TDRP: variants seen among roughly 807,000 people sequenced by gnomAD.
The protein encoded by TDRP is testis development related protein.
TDRP carries 12 observed loss-of-function variants against 10.5 expected under a neutral mutation model. The ratio of observed to expected loss-of-function variants is 1.15; its 90% CI spans 0.73 to 1.86. The LOEUF is 1.86. Among genes scored for constraint, TDRP ranks in the 40% most tolerant of loss-of-function variants. TDRP has a pLI of 0.00. For missense variants in TDRP, 353 were observed against 229.2 expected (o/e 1.54, Z -3.49); for synonymous variants, 139 against 95.4 (o/e 1.46, Z -2.67).
chr8:538,769 T>C (rs369914554), intron 1 of TDRP, among the ~76,000 whole-genome samples: 9 of 152,200 alleles, frequency 5.9e-5, no homozygotes, highest in East Asian at 3.9e-4. Flanking sequence ...TAAGAAGCTA[T>C]TGAATATAAA....
At position 494,654 on chromosome 8, in the gene TDRP, C is replaced by T; in HGVS notation, c.109-57G>A. 2 of 1,464,172 alleles carry T rather than the reference C, an allele frequency of 1.4e-6. 1 individual carries two copies. The highest frequency in any genetic ancestry group is 2.3e-5 in the South Asian group (2 of 86,808). 90.7% of individuals were successfully genotyped at this position (1,464,172 alleles called of 1,614,324 possible). ...GATGTCATGAATCAACAGAATTCCG[C>T]TTTCTACTCCAATAACCATGGAGTT... On this transcript the variant is annotated intron_variant, in intron 1 of 2. Coordinates refer to ENST00000324079, the MANE Select transcript of TDRP (RefSeq NM_001384899.1).
intron 1 of TDRP, among the ~76,000 whole-genome samples, chr8:533,387 C>A (rs971741929): frequency 6.6e-6 from 1 of 152,154 alleles, no homozygotes; most frequent in South Asian, 2.1e-4. Flanking sequence ...TCCTGACAAC[C>A]CTAGCTCAAA....
chr8:498,011 T>C (rs1342018072), intron 1 of TDRP, among the ~76,000 whole-genome samples: 1 of 152,056 alleles, frequency 6.6e-6, no homozygotes, highest in Non-Finnish European at 1.5e-5. Flanking sequence ...GGTATGGAAA[T>C]GGCTGGACAT....
intron 1 of TDRP, among the ~76,000 whole-genome samples, chr8:499,941 C>T (rs1213411921): frequency 6.6e-6 from 1 of 152,186 alleles, no homozygotes; most frequent in Non-Finnish European, 1.5e-5. Flanking sequence ...TTCTCCTCTT[C>T]CACGGGAAAA....
chr8:520,049 C>CAAAATGAAAGG (rs1487034890), intron 1 of TDRP, among the ~76,000 whole-genome samples: 3 of 152,170 alleles, frequency 2.0e-5, no homozygotes, highest in Non-Finnish European at 4.4e-5. Flanking sequence ...AGCTGTATTT[C>CAAAATGAAAGG]AAAATGAAAG....
At chr8:496,637 C>G (rs112044384) in intron 1 of TDRP, among the ~76,000 whole-genome samples, 13 of 152,334 alleles carry the variant, frequency 8.5e-5, no homozygotes, top group African/African-American at 3.1e-4. Context: ...CTGCCCACCC[C>G]TTCCTTTAAG....
intron 1 of TDRP, among the ~76,000 whole-genome samples, chr8:519,557 C>T (rs1801843755): frequency 6.6e-6 from 1 of 151,902 alleles, no homozygotes; most frequent in South Asian, 2.1e-4. Flanking sequence ...ACTCTATATA[C>T]AGACTGAAAA....
rs372726196 is a variant in TDRP, at chr8:523,280, T to C, written c.108+21370A>G. Among the ~76,000 whole-genome samples, 12 of 152,340 alleles carry C rather than the reference T, an allele frequency of 7.9e-5. No homozygotes were observed. The East Asian group carries it at 2.3e-3, about 29-fold the overall frequency. On this transcript the variant is annotated intron_variant, in intron 1 of 2. Transcript: ENST00000324079. ...TTAACCCCGCATATAAATGTATTAC[T>C]TTATGTCTCCCCTTTATGCTATTCC... is the stretch of plus-strand genomic sequence containing the variant.
At chr8:536,733 G>A (rs1802356283) in intron 1 of TDRP, among the ~76,000 whole-genome samples, 2 of 152,278 alleles carry the variant, frequency 1.3e-5, no homozygotes, top group Non-Finnish European at 2.9e-5. Context: ...ACCAGAAAAT[G>A]TTTTGCTATG....
intron 1 of TDRP, among the ~76,000 whole-genome samples, chr8:495,437 T>G (rs1037421872): frequency 6.6e-6 from 1 of 152,166 alleles, no homozygotes; most frequent in African/African-American, 2.4e-5. Context: ...GAAATAATTT[T>G]GTTGACTGTA....
At chr8:518,818 G>A (rs1015864652) in intron 1 of TDRP, among the ~76,000 whole-genome samples, 1 of 151,868 alleles carries the variant, frequency 6.6e-6, no homozygotes, top group African/African-American at 2.4e-5. Context: ...AGTCTAATTT[G>A]AAATTCATAC....
At chr8:530,877 G>A (rs1022705667) in intron 1 of TDRP, among the ~76,000 whole-genome samples, 3 of 152,190 alleles carry the variant, frequency 2.0e-5, no homozygotes, top group Non-Finnish European at 4.4e-5. Flanking sequence ...AGAACCACAC[G>A]CTCTCTCCTG....
chr8:544,593 G>T, intron 1 of TDRP, 57 bp downstream of exon 1: 1 of 1,131,028 alleles, frequency 8.8e-7, no homozygotes, highest in Non-Finnish European at 1.1e-6. Context: ...GCCCACCCTC[G>T]CCCTCCACCT....
At chr8:542,851 T>G (rs1409682023) in intron 1 of TDRP, among the ~76,000 whole-genome samples, 1 of 109,780 alleles carries the variant, frequency 9.1e-6, no homozygotes, top group African/African-American at 3.3e-5. Flanking sequence ...GAGCGAAACT[T>G]CATCTCAAAA....
chr8:508,632 T>C (rs575104929), intron 1 of TDRP, among the ~76,000 whole-genome samples: 127 of 152,198 alleles, frequency 8.3e-4, no homozygotes, highest in African/African-American at 2.8e-3. Flanking sequence ...CTTGATACAT[T>C]GCGATTATGG....
intron 1 of TDRP, among the ~76,000 whole-genome samples, chr8:539,078 T>C (rs1345168271): frequency 1.3e-5 from 2 of 152,224 alleles, no homozygotes; most frequent in Admixed American, 6.5e-5. Context: ...GACTCGTTTT[T>C]TCAATTTGTA....
chr8:520,594 C>T (rs970970243), intron 1 of TDRP, among the ~76,000 whole-genome samples: 4 of 152,206 alleles, frequency 2.6e-5, no homozygotes, highest in African/African-American at 7.2e-5. Context: ...TCCCCGCATC[C>T]TTGGTTACAC....
At chr8:543,066 G>C (rs927245728) in intron 1 of TDRP, among the ~76,000 whole-genome samples, 2 of 152,150 alleles carry the variant, frequency 1.3e-5, no homozygotes, top group African/African-American at 4.8e-5. Context: ...CTAGTACCTT[G>C]GGAGGCTGAG....
Position 490,841 on chromosome 8 carries a change from C to T in TDRP, c.*1558G>A, listed in dbSNP as rs951037343. ...TGTTTGAACACCAATTGAAACATGT[C>T]CCCCTTTCAAGACTTGATAAGTAAA... On this transcript the variant is annotated 3_prime_UTR_variant, in exon 3 of 3. Transcript: ENST00000324079. 1.3e-5 allele frequency: 2 copies of T among 151,984 alleles called. No homozygotes were observed. Among genetic ancestry groups the T allele is most frequent in the African/African-American group, 4.8e-5 (2 of 41,370 alleles). The allele number at this position is 151,984 out of a possible 1,614,324, so 9.4% of individuals were successfully genotyped here.
Sources: gnomAD v4.1 joint callset for allele counts (sites outside exome capture counted in the v4.1 genomes callset) on GRCh38, gnomAD v4.1.1 for gene constraint, MANE v1.5 for transcripts, NCBI Gene and HGNC (gene_info 2026-07-23, HGNC 2026-07-21) for gene names.